The following ULK4 variants were observed in gnomAD, a reference collection of about 807,000 sequenced individuals.
ULK4 encodes unc-51 like kinase 4.
A neutral mutation model predicts 160.6 loss-of-function variants in ULK4; 133 were observed. That is an observed-to-expected ratio of 0.83 (90% CI 0.72 to 0.96). The LOEUF (loss-of-function observed/expected upper bound fraction) is 0.96. ULK4 is among the 40% of genes least tolerant of loss of function. ULK4 has a pLI of 0.00. For missense variants in ULK4, 1,580 were observed against 1,499.5 expected, an observed-to-expected ratio of 1.05 and a Z score of -0.89; for synonymous variants, 534 against 539.8, an observed-to-expected ratio of 0.99 and a Z score of 0.15.
intron 35 of ULK4, among the ~76,000 whole-genome samples, chr3:41,330,782 T>A (rs2080425509): frequency 6.6e-6 from 1 of 152,110 alleles, no homozygotes; most frequent in South Asian, 2.1e-4. Context: ...ATGGCAGTAG[T>A]CTGAGGTTCT....
At chr3:41,712,737 T>A (rs1282962026) in intron 25 of ULK4, among the ~76,000 whole-genome samples, 1 of 151,836 alleles carries the variant, frequency 6.6e-6, no homozygotes, top group African/African-American at 2.4e-5. Context: ...GAAAAATTTT[T>A]AAAAATTAGC....
intron 35 of ULK4, among the ~76,000 whole-genome samples, chr3:41,377,492 T>G (rs1279131781): frequency 6.7e-6 from 1 of 149,776 alleles, no homozygotes; most frequent in African/African-American, 2.5e-5. Flanking sequence ...AGGGCTAATA[T>G]CAAGAATCTA....
At chr3:41,491,165 G>GTTTTATTTTTGAATAGGAA (rs2084745279) in intron 32 of ULK4, among the ~76,000 whole-genome samples, 1 of 152,068 alleles carries the variant, frequency 6.6e-6, no homozygotes, top group Non-Finnish European at 1.5e-5. Flanking sequence ...AACAAATAAA[G>GTTTTATTTTTGAATAGGAA]AGCCCTACCA....
At position 41,954,729 on chromosome 3, in the gene ULK4, C is replaced by T. The variant is rs943695572; in HGVS notation, c.31G>A (p.Gly11Arg). The stretch of plus-strand genomic sequence containing the variant: ...TAGACAACAGTCTTGCTTCCTCTTC[C>T]GATCTCCTCATACAGAATAAAGTTT... The part of the protein sequence containing the change: MENFILYEEI[G>R]RGSKTVVYKG... Residue 11 changes from glycine (G) to arginine (R), a missense_variant, in exon 2 of 37, where the codon GGA becomes AGA. Transcript: ENST00000301831. 1.9e-6 allele frequency: 3 copies of T among 1,613,946 alleles called. No individual in the cohort carries two copies. The highest frequency in any genetic ancestry group is 2.5e-6 in the Non-Finnish European group (3 of 1,179,892).
At chr3:41,463,820 C>G (rs1353530864) in intron 32 of ULK4, among the ~76,000 whole-genome samples, 1 of 152,086 alleles carries the variant, frequency 6.6e-6, no homozygotes, top group Non-Finnish European at 1.5e-5. Context: ...TAGTCTGTTA[C>G]AATAAATACA....
In ULK4 at chr3:41,954,730, G is replaced by A. The variant is rs371284862; in HGVS notation, c.30C>T (p.Ile10=). The A allele has an allele frequency of 1.9e-6, 3 of 1,613,762 alleles. No homozygotes were observed. Among genetic ancestry groups the A allele is most frequent in the Non-Finnish European group, 2.5e-6 (3 of 1,179,868 alleles). The change falls in exon 2 of 37, where the codon ATC becomes ATT. Residue 10 remains isoleucine (I), a synonymous_variant. Transcript: ENST00000301831. MENFILYEE[I]GRGSKTVVYK... ...AGACAACAGTCTTGCTTCCTCTTCC[G>A]ATCTCCTCATACAGAATAAAGTTTT...
intron 33 of ULK4, 39 bp downstream of exon 33, chr3:41,463,048 A>T: frequency 6.2e-7 from 1 of 1,601,160 alleles, no homozygotes; most frequent in Non-Finnish European, 8.5e-7. Context: ...CATGAAATGG[A>T]GTAGGGCTGC....
chr3:41,252,952 G>T (rs1282282455), intron 35 of ULK4, among the ~76,000 whole-genome samples: 1 of 152,026 alleles, frequency 6.6e-6, no homozygotes, highest in African/African-American at 2.4e-5. Flanking sequence ...GAATTATTGT[G>T]AATTTCTCAT....
chr3:41,569,159 G>A (rs2087883986), intron 31 of ULK4, among the ~76,000 whole-genome samples: 1 of 152,130 alleles, frequency 6.6e-6, no homozygotes, highest in South Asian at 2.1e-4. Context: ...CTGAACTTCG[G>A]GGTTCTGTTA....
intron 22 of ULK4, among the ~76,000 whole-genome samples, chr3:41,724,638 G>T (rs1157600470): frequency 6.6e-6 from 1 of 152,078 alleles, no homozygotes; most frequent in Non-Finnish European, 1.5e-5. Context: ...CAGGAGAATG[G>T]CGTGAACCCG....
chr3:41,521,581 G>A (rs1228752715), intron 32 of ULK4, among the ~76,000 whole-genome samples: 1 of 152,100 alleles, frequency 6.6e-6, no homozygotes, highest in Admixed American at 6.5e-5. Context: ...TGGTAAAGTT[G>A]AACTCATGTA....
intron 22 of ULK4, among the ~76,000 whole-genome samples, chr3:41,739,443 C>T (rs1385026502): frequency 6.6e-6 from 1 of 151,906 alleles, no homozygotes; most frequent in Non-Finnish European, 1.5e-5. Context: ...CTGGAAAGAA[C>T]ATCCTCCCAG....
chr3:41,557,010 C>A (rs932939262), intron 32 of ULK4, among the ~76,000 whole-genome samples: 1 of 151,964 alleles, frequency 6.6e-6, no homozygotes, highest in Admixed American at 6.6e-5. Context: ...TAAAGTAGCA[C>A]AATTAAAGAA....
chr3:41,531,517 A>G (rs2086317506), intron 32 of ULK4, among the ~76,000 whole-genome samples: 1 of 136,488 alleles, frequency 7.3e-6, no homozygotes, highest in Admixed American at 7.0e-5. Flanking sequence ...GAAAAGAAAA[A>G]GAAAAAGAAA....
intron 35 of ULK4, among the ~76,000 whole-genome samples, chr3:41,380,479 T>C (rs552416708): frequency 6.6e-6 from 1 of 152,134 alleles, no homozygotes; most frequent in Non-Finnish European, 1.5e-5. Flanking sequence ...GCATCTCTAC[T>C]GACTCCCAGA....
intron 27 of ULK4, among the ~76,000 whole-genome samples, chr3:41,689,926 C>T (rs543764694): frequency 1.8e-4 from 27 of 148,872 alleles, no homozygotes; most frequent in Non-Finnish European, 1.8e-4. Flanking sequence ...TTTGACCCAG[C>T]CATCCCATTA....
chr3:41,431,552 T>A (rs1188226395), intron 34 of ULK4, among the ~76,000 whole-genome samples: 1 of 134,460 alleles, frequency 7.4e-6, no homozygotes, highest in Admixed American at 7.3e-5. Flanking sequence ...CCTCCCTTTT[T>A]TTTTTTTTTT....
intron 27 of ULK4, among the ~76,000 whole-genome samples, chr3:41,697,647 GTTTT>G (rs895515529): frequency 6.6e-6 from 1 of 151,868 alleles, no homozygotes; most frequent in Non-Finnish European, 1.5e-5. Context: ...CCAGTTAATT[GTTTT>G]TTTAATTTTT....
chr3:41,950,907 G>A (rs1256836604), intron 2 of ULK4, among the ~76,000 whole-genome samples: 4 of 151,742 alleles, frequency 2.6e-5, no homozygotes, highest in African/African-American at 9.7e-5. Context: ...CACTTTGGGA[G>A]GCCGAAGCGG....
Sources: gnomAD v4.1 joint callset for allele counts (sites outside exome capture counted in the v4.1 genomes callset) on GRCh38, gnomAD v4.1.1 for gene constraint, MANE v1.5 for transcripts, NCBI Gene and HGNC (gene_info 2026-07-23, HGNC 2026-07-21) for gene names.